Variants in UNC13B observed in about 807,000 individuals in gnomAD.
UNC13B encodes unc-13 homolog B.
In UNC13B, 144 loss-of-function variants were observed where a neutral mutation model predicts 211.0. That is an observed-to-expected ratio of 0.68 (90% CI 0.60 to 0.78). The LOEUF (loss-of-function observed/expected upper bound fraction) is 0.78. Among genes scored for constraint, UNC13B ranks in the 30% least tolerant of loss-of-function variants. UNC13B has a pLI of 0.00. For synonymous variants in UNC13B, 709 were observed against 725.8 expected (o/e 0.98, Z 0.37); for missense variants, 1,777 against 2,002.0 (o/e 0.89, Z 2.14).
chr9:35,248,954 G>T (rs1826278881), intron 6 of UNC13B, among the ~76,000 whole-genome samples: 1 of 152,104 alleles, frequency 6.6e-6, no homozygotes, highest in Non-Finnish European at 1.5e-5. Flanking sequence ...TTGACAGTGG[G>T]TGTTAAAGTC....
intron 7 of UNC13B, among the ~76,000 whole-genome samples, chr9:35,289,082 C>A (rs148386279): frequency 6.6e-6 from 1 of 151,900 alleles, no homozygotes; most frequent in Non-Finnish European, 1.5e-5. Flanking sequence ...GCACACTAAG[C>A]CAACATATCC....
intron 1 of UNC13B, among the ~76,000 whole-genome samples, chr9:35,184,128 A>T (rs4879881): frequency 0.62 from 91,693 of 148,106 alleles, 28,509 homozygotes; most frequent in East Asian, 0.88. Context: ...AGCCAGGCAG[A>T]GACACTCCTC....
intron 3 of UNC13B, among the ~76,000 whole-genome samples, chr9:35,233,000 G>A (rs1825300288): frequency 6.6e-6 from 1 of 152,094 alleles, no homozygotes; most frequent in Admixed American, 6.5e-5. Context: ...GGAGGCCAAT[G>A]GTGTCATGTT....
intron 11 of UNC13B, among the ~76,000 whole-genome samples, chr9:35,366,657 G>A (rs1336016309): frequency 6.6e-6 from 1 of 152,278 alleles, no homozygotes; most frequent in Middle Eastern, 3.4e-3. Flanking sequence ...TACACTAATG[G>A]CTCATATAAG....
At chr9:35,296,040 G>A (rs1829342665) in intron 8 of UNC13B, 110 bp downstream of exon 8, 3 of 985,312 alleles carry the variant, frequency 3.0e-6, no homozygotes, top group East Asian at 2.6e-5. Context: ...AAGTGTAGCA[G>A]TATCACCGGC....
intron 2 of UNC13B, among the ~76,000 whole-genome samples, chr9:35,230,634 C>A (rs1200137595): frequency 6.6e-6 from 1 of 151,470 alleles, no homozygotes; most frequent in Non-Finnish European, 1.5e-5. Context: ...TTTCTTTTTT[C>A]CTTCTGGTAT....
At chr9:35,281,802 G>A (rs1828511598) in intron 7 of UNC13B, among the ~76,000 whole-genome samples, 2 of 152,184 alleles carry the variant, frequency 1.3e-5, no homozygotes, top group African/African-American at 4.8e-5. Context: ...TAAAGGATGA[G>A]TAGCAGACAG....
chr9:35,201,762 T>G (rs1474277485), intron 1 of UNC13B, among the ~76,000 whole-genome samples: 1 of 152,216 alleles, frequency 6.6e-6, no homozygotes, highest in African/African-American at 2.4e-5. Context: ...GTCTATCAAT[T>G]TTGTTGATCT....
At chr9:35,266,201 G>A (rs1451245691) in intron 7 of UNC13B, among the ~76,000 whole-genome samples, 1 of 152,126 alleles carries the variant, frequency 6.6e-6, no homozygotes, top group African/African-American at 2.4e-5. Flanking sequence ...AAATGGAGGT[G>A]GTGTTCTAGA....
At chr9:35,367,078 C>G in intron 12 of UNC13B, 85 bp downstream of exon 12, 1 of 1,348,606 alleles carries the variant, frequency 7.4e-7, no homozygotes, top group South Asian at 1.2e-5. Flanking sequence ...GCAGGGGAAC[C>G]AGCTTCATAA....
At chr9:35,166,952 C>G (rs1371351699) in intron 1 of UNC13B, among the ~76,000 whole-genome samples, 1 of 152,188 alleles carries the variant, frequency 6.6e-6, no homozygotes, top group East Asian at 1.9e-4. Flanking sequence ...CAAGCTTGTC[C>G]AGCCTGTGGC....
chr9:35,355,671 A>T (rs1409373232), intron 11 of UNC13B, among the ~76,000 whole-genome samples: 1 of 152,226 alleles, frequency 6.6e-6, no homozygotes, highest in Non-Finnish European at 1.5e-5. Flanking sequence ...TGCCATTTCA[A>T]CCTAGCAGAA....
At chr9:35,358,642 A>AT (rs914475502) in intron 11 of UNC13B, among the ~76,000 whole-genome samples, 1 of 124,298 alleles carries the variant, frequency 8.0e-6, no homozygotes. Context: ...ATTTGCTCCT[A>AT]TTTTTTTTAT....
At chr9:35,321,529 A>C (rs1022131828) in intron 11 of UNC13B, among the ~76,000 whole-genome samples, 3 of 152,150 alleles carry the variant, frequency 2.0e-5, no homozygotes, top group Non-Finnish European at 2.9e-5. Context: ...TCTTGTTACT[A>C]TTATGAATAA....
At chr9:35,310,858 T>A (rs1353974115) in intron 10 of UNC13B, 77 bp downstream of exon 10, 2 of 1,395,404 alleles carry the variant, frequency 1.4e-6, no homozygotes, top group Non-Finnish European at 2.0e-6. Context: ...AATAAGTGAT[T>A]GTCATTTGTT....
chr9:35,341,355 G>GTTTGA (rs1425509612), intron 11 of UNC13B, among the ~76,000 whole-genome samples: 1 of 152,186 alleles, frequency 6.6e-6, no homozygotes, highest in Non-Finnish European at 1.5e-5. Context: ...ACATGGCACT[G>GTTTGA]TTTGATTTTA....
chr9:35,206,395 C>A (rs898067161), intron 1 of UNC13B, among the ~76,000 whole-genome samples: 1 of 152,134 alleles, frequency 6.6e-6, no homozygotes, highest in Middle Eastern at 3.4e-3. Context: ...TTCCCTCTAT[C>A]CCCTGGTAAC....
chr9:35,235,693 A>G (rs966387991), intron 3 of UNC13B, among the ~76,000 whole-genome samples: 3 of 152,202 alleles, frequency 2.0e-5, no homozygotes, highest in Admixed American at 2.0e-4. Flanking sequence ...TGCACCTCCC[A>G]AAGTGCTGGG....
intron 11 of UNC13B, among the ~76,000 whole-genome samples, chr9:35,337,092 C>CTT (rs796273914): frequency 1.4e-5 from 2 of 145,428 alleles, no homozygotes; most frequent in African/African-American, 2.5e-5. Flanking sequence ...AGAACTAGGA[C>CTT]TTTTTTTTTT....
Sources: allele counts gnomAD v4.1 joint callset (sites outside exome capture counted in the v4.1 genomes callset), GRCh38; gene constraint gnomAD v4.1.1; transcripts MANE v1.5; gene names NCBI Gene and HGNC (gene_info 2026-07-23, HGNC 2026-07-21).